Variants in SEC14L1 observed in about 807,000 individuals in gnomAD.
SEC14L1 encodes SEC14-like protein 1.
SEC14L1 carries 48 observed loss-of-function variants against 85.3 expected under a neutral mutation model. That is an observed-to-expected ratio of 0.56 (90% CI 0.45 to 0.72). The LOEUF (loss-of-function observed/expected upper bound fraction) is 0.72. Among genes scored for constraint, SEC14L1 ranks in the 30% least tolerant of loss-of-function variants. SEC14L1 has a pLI of 0.00. For synonymous variants in SEC14L1, 391 were observed against 355.5 expected (o/e 1.10, Z -1.12); for missense variants, 682 against 921.4 (o/e 0.74, Z 3.36).
chr17:77,193,305 A>G, intron 5 of SEC14L1, 116 bp from the exon 6 acceptor site: 1 of 945,266 alleles, frequency 1.1e-6, no homozygotes, highest in Non-Finnish European at 1.5e-6. Context: ...TCTTTATGGT[A>G]GTAGCATTGT....
intron 3 of SEC14L1, among the ~76,000 whole-genome samples, chr17:77,167,680 G>A (rs1027029854): frequency 6.6e-6 from 1 of 152,116 alleles, no homozygotes. Context: ...GCTAGGTCTG[G>A]GTTCTTGTCT....
chr17:77,189,396 A>G (rs1387672042), intron 3 of SEC14L1, among the ~76,000 whole-genome samples: 2 of 151,984 alleles, frequency 1.3e-5, no homozygotes, highest in African/African-American at 4.8e-5. Flanking sequence ...CAGATAAACA[A>G]CTTACTTTTG....
intron 3 of SEC14L1, among the ~76,000 whole-genome samples, chr17:77,126,846 G>C (rs1972461321): frequency 6.6e-6 from 1 of 152,176 alleles, no homozygotes; most frequent in Non-Finnish European, 1.5e-5. Context: ...GGTCCAGGAG[G>C]CTGACTCTGT....
At chr17:77,185,376 A>G in intron 3 of SEC14L1, 1 of 985,470 alleles carries the variant, frequency 1.0e-6, no homozygotes. Context: ...CTGGTTGGGC[A>G]TGCCAAGGTA....
In SEC14L1 at chr17:77,214,658, G is replaced by A; in HGVS notation, c.*635G>A. On this transcript the variant is annotated 3_prime_UTR_variant, in exon 17 of 17. Coordinates refer to ENST00000436233, the MANE Select transcript of SEC14L1 (RefSeq NM_001143998.2). ...CCGGGGGCTCAGGAGGGGCTCTCAG[G>A]GACTCCTGGTGACTCCAGGAAAATG... 1 of 985,726 alleles carries A rather than the reference G, an allele frequency of 1.0e-6. No homozygotes were observed. Among genetic ancestry groups the A allele is most frequent in the Non-Finnish European group, 1.2e-6 (1 of 830,168 alleles). The allele number at this position is 985,726 out of a possible 1,614,324, so 61.1% of individuals were successfully genotyped here.
chr17:77,196,551 T>G (rs2143064378), intron 8 of SEC14L1, among the ~76,000 whole-genome samples: 1 of 152,368 alleles, frequency 6.6e-6, no homozygotes, highest in African/African-American at 2.4e-5. Context: ...ACAAACAGTG[T>G]CACGTCACAA....
intron 3 of SEC14L1, among the ~76,000 whole-genome samples, chr17:77,111,741 A>G (rs1033652532): frequency 1.3e-5 from 2 of 152,146 alleles, no homozygotes; most frequent in Non-Finnish European, 2.9e-5. Flanking sequence ...CTGAACCCCC[A>G]TTGTATGTAG....
intron 14 of SEC14L1, chr17:77,211,678 AGT>A: frequency 2.0e-6 from 1 of 490,830 alleles, no homozygotes; most frequent in South Asian, 2.2e-5. Context: ...GGCCTCTTAG[AGT>A]GTGTGTGAAG....
intron 3 of SEC14L1, among the ~76,000 whole-genome samples, chr17:77,129,158 G>C (rs1972541417): frequency 6.6e-6 from 1 of 152,142 alleles, no homozygotes; most frequent in Admixed American, 6.6e-5. Flanking sequence ...CAAAGCTGTA[G>C]GATGCCTGGC....
chr17:77,096,059 T>C (rs1971634903), intron 3 of SEC14L1, among the ~76,000 whole-genome samples: 1 of 150,252 alleles, frequency 6.7e-6, no homozygotes, highest in South Asian at 2.1e-4. Flanking sequence ...GTCAGTCTTT[T>C]TTTTTTTTTT....
At chr17:77,130,339 C>T (rs1972574490) in intron 3 of SEC14L1, 1 of 152,058 alleles carries the variant, frequency 6.6e-6, no homozygotes, top group Admixed American at 6.6e-5. Flanking sequence ...TTATTTGAGA[C>T]AGCGTTTCGC....
upstream of SEC14L1, among the ~76,000 whole-genome samples, chr17:77,138,417 T>A (rs180962586): frequency 9.9e-5 from 15 of 152,042 alleles, no homozygotes; most frequent in Admixed American, 3.9e-4. Context: ...GTCAGGAGTT[T>A]GAGACCGGCC....
At chr17:77,183,772 T>C (rs985459004) in intron 3 of SEC14L1, among the ~76,000 whole-genome samples, 1 of 152,236 alleles carries the variant, frequency 6.6e-6, no homozygotes, top group Non-Finnish European at 1.5e-5. Context: ...TTGTTCTCTC[T>C]TTAGATGCCT....
intron 3 of SEC14L1, among the ~76,000 whole-genome samples, chr17:77,149,121 A>C (rs182260088): frequency 6.6e-6 from 1 of 152,090 alleles, no homozygotes; most frequent in African/African-American, 2.4e-5. Context: ...GATGCCATTC[A>C]TGTTTCTCTC....
At chr17:77,212,314 G>T (rs2143223711) in intron 15 of SEC14L1, 113 bp downstream of exon 15, 1 of 1,453,636 alleles carries the variant, frequency 6.9e-7, no homozygotes, top group Admixed American at 2.2e-5. Context: ...AGCTTTTGAG[G>T]CCCTGCTTGT....
At chr17:77,092,840 CAA>C (rs1237562488) in intron 2 of SEC14L1, among the ~76,000 whole-genome samples, 1 of 150,756 alleles carries the variant, frequency 6.6e-6, no homozygotes, top group Admixed American at 6.7e-5. Context: ...CTCAGCTACT[CAA>C]GAGGCTGAGG....
intron 3 of SEC14L1, among the ~76,000 whole-genome samples, chr17:77,121,265 A>G (rs1261438610): frequency 6.6e-6 from 1 of 152,214 alleles, no homozygotes; most frequent in Non-Finnish European, 1.5e-5. Context: ...GGCAGGGAAA[A>G]GAGATGTGGA....
chr17:77,102,298 C>T (rs1371052011), intron 3 of SEC14L1, among the ~76,000 whole-genome samples: 1 of 152,150 alleles, frequency 6.6e-6, no homozygotes, highest in Non-Finnish European at 1.5e-5. Flanking sequence ...TCATCCCCTC[C>T]GGAAAACAGT....
chr17:77,201,452 CT>C (rs540189374), intron 9 of SEC14L1, among the ~76,000 whole-genome samples: 269 of 138,340 alleles, frequency 1.9e-3, no homozygotes, highest in Non-Finnish European at 1.6e-3. Flanking sequence ...ACAAATGTGT[CT>C]TTTTTTTTTT....
Sources: allele counts gnomAD v4.1 joint callset (sites outside exome capture counted in the v4.1 genomes callset), GRCh38; gene constraint gnomAD v4.1.1; transcripts MANE v1.5; gene names NCBI Gene and HGNC (gene_info 2026-07-23, HGNC 2026-07-21).